SAMD12: variants seen among roughly 807,000 people sequenced by gnomAD.
SAMD12 encodes sterile alpha motif domain-containing protein 12.
Under a neutral mutation model 15.0 loss-of-function variants are expected in SAMD12, and 9 were observed. The ratio of observed to expected loss-of-function variants is 0.60; its 90% CI spans 0.36 to 1.05. The LOEUF (loss-of-function observed/expected upper bound fraction) is 1.05, where lower values mean the gene tolerates loss of function less well. Among genes scored for constraint, SAMD12 ranks in the 50% least tolerant of loss-of-function variants. The pLI, the probability that SAMD12 is intolerant of heterozygous loss-of-function variation, is 0.01. For synonymous variants in SAMD12, 86 were observed against 90.1 expected (o/e 0.96, Z 0.25); for missense variants, 230 against 234.2 (o/e 0.98, Z 0.12).
intron 4 of SAMD12, among the ~76,000 whole-genome samples, chr8:118,294,088 C>T (rs1814572394): frequency 6.6e-6 from 1 of 152,190 alleles, no homozygotes; most frequent in Admixed American, 6.5e-5. Context: ...GCTGTCATGT[C>T]AGACACCTAC....
chr8:118,546,430 A>T (rs894577300), intron 2 of SAMD12, among the ~76,000 whole-genome samples: 9 of 152,052 alleles, frequency 5.9e-5, no homozygotes, highest in African/African-American at 2.2e-4. Context: ...TCAGCTTCCA[A>T]GGTCGAGAAG....
intron 2 of SAMD12, among the ~76,000 whole-genome samples, chr8:118,494,166 G>A (rs1295546096): frequency 6.6e-6 from 1 of 152,110 alleles, no homozygotes; most frequent in Non-Finnish European, 1.5e-5. Flanking sequence ...GATGTGGAAG[G>A]GGCCGCAAGC....
chr8:118,486,843 C>T (rs1824303343), intron 2 of SAMD12, among the ~76,000 whole-genome samples: 1 of 152,144 alleles, frequency 6.6e-6, no homozygotes. Flanking sequence ...CATCTAGGCC[C>T]GAAGAGCAAG....
chr8:118,309,629 T>C (rs72675864), intron 4 of SAMD12, among the ~76,000 whole-genome samples: 18,324 of 152,214 alleles, frequency 0.12, 1,443 homozygotes, highest in Admixed American at 0.16. Flanking sequence ...TAAGTTCTTT[T>C]TTCAGACTTG....
intron 4 of SAMD12, among the ~76,000 whole-genome samples, chr8:118,295,286 A>G (rs1459596827): frequency 6.6e-6 from 1 of 152,222 alleles, no homozygotes; most frequent in Non-Finnish European, 1.5e-5. Context: ...ATCTCTGTAT[A>G]TACTTTTCTC....
chr8:118,366,952 G>T lies in SAMD12; in HGVS notation c.433+12608C>A, dbSNP rs192458103. On this transcript the variant is annotated intron_variant, in intron 4 of 4. Transcript: ENST00000409003. ...AATGAAAAGGGGGATACTAAGAATG[G>T]AAGTATTATTTCAGAGAAGGATAAG... 4.6e-4 allele frequency among the ~76,000 whole-genome samples: 69 copies of T among 149,944 alleles called. 1 individual carries two copies. The highest frequency in any genetic ancestry group is 1.7e-3 in the African/African-American group (68 of 40,922).
At chr8:118,298,030 T>C (rs977423780) in intron 4 of SAMD12, among the ~76,000 whole-genome samples, 10 of 152,022 alleles carry the variant, frequency 6.6e-5, no homozygotes, top group African/African-American at 2.4e-4. Context: ...GATGCTCCCA[T>C]TGGCCCTCAG....
the SAMD12 span, among the ~76,000 whole-genome samples, chr8:118,181,053 T>C: frequency 4.6e-4 from 69 of 148,658 alleles, no homozygotes; most frequent in African/African-American, 1.6e-3. Flanking sequence ...TTGTATTAAA[T>C]TTTTTTTTTT....
At chr8:118,149,477 A>T in the SAMD12 span, among the ~76,000 whole-genome samples, 1 of 152,104 alleles carries the variant, frequency 6.6e-6, no homozygotes, top group Non-Finnish European at 1.5e-5. Flanking sequence ...TTATTTTCTT[A>T]CAAATGAATT....
the SAMD12 span, among the ~76,000 whole-genome samples, chr8:118,172,206 T>C: frequency 6.6e-6 from 1 of 152,140 alleles, no homozygotes; most frequent in African/African-American, 2.4e-5. Flanking sequence ...TATACATATG[T>C]AACAAACCTG....
downstream of SAMD12, among the ~76,000 whole-genome samples, chr8:118,373,158 GA>G (rs753340006): frequency 2.0e-5 from 3 of 152,108 alleles, no homozygotes; most frequent in Non-Finnish European, 4.4e-5. Context: ...ATGCAATACA[GA>G]ATATACCTTA....
At chr8:118,566,916 G>A (rs530966908) in intron 2 of SAMD12, among the ~76,000 whole-genome samples, 19 of 152,260 alleles carry the variant, frequency 1.2e-4, no homozygotes, top group African/African-American at 4.6e-4. Context: ...AACAAAACTT[G>A]GTGGTGGATT....
chr8:118,155,161 T>C, the SAMD12 span, among the ~76,000 whole-genome samples: 86 of 152,336 alleles, frequency 5.6e-4, no homozygotes, highest in African/African-American at 2.0e-3. Context: ...TTTAGTATAT[T>C]ATATCTAATG....
At chr8:118,236,655 G>A (rs1364538957) in intron 4 of SAMD12, among the ~76,000 whole-genome samples, 1 of 152,206 alleles carries the variant, frequency 6.6e-6, no homozygotes, top group African/African-American at 2.4e-5. Context: ...TGCAACTTGT[G>A]CCTACAAAAG....
the SAMD12 span, among the ~76,000 whole-genome samples, chr8:118,150,297 G>A: frequency 6.6e-6 from 1 of 152,094 alleles, no homozygotes; most frequent in Non-Finnish European, 1.5e-5. Flanking sequence ...TCTTACTTCA[G>A]TATACTTATT....
chr8:118,202,790 T>C lies in SAMD12; in HGVS notation c.434-5058A>G, dbSNP rs548530785. ...AATGAGTTCAAGGCCTTTGGGGGTG[T>C]ATCTGAACTGCAACTTCAATGTGGG... is the stretch of plus-strand genomic sequence containing the variant. On this transcript the variant is annotated intron_variant, in intron 4 of 4. Transcript: ENST00000409003. Among the ~76,000 whole-genome samples, 123 of 152,302 alleles carry C rather than the reference T, an allele frequency of 8.1e-4. 1 individual carries two copies. Among genetic ancestry groups the C allele is most frequent in the Non-Finnish European group, 1.4e-3 (97 of 68,018 alleles).
At chr8:118,261,253 C>T (rs530612382) in intron 4 of SAMD12, among the ~76,000 whole-genome samples, 83 of 152,150 alleles carry the variant, frequency 5.5e-4, no homozygotes, top group Non-Finnish European at 9.6e-4. Flanking sequence ...TTACAGATAA[C>T]AGAACTAAGG....
At chr8:118,459,458 C>G (rs1823353363) in intron 2 of SAMD12, among the ~76,000 whole-genome samples, 1 of 152,174 alleles carries the variant, frequency 6.6e-6, no homozygotes, top group African/African-American at 2.4e-5. Context: ...AGTGGCACTT[C>G]TACATTTTCT....
chr8:118,225,248 CATTT>C (rs1242695102), intron 4 of SAMD12, among the ~76,000 whole-genome samples: 2 of 152,144 alleles, frequency 1.3e-5, no homozygotes, highest in African/African-American at 2.4e-5. Flanking sequence ...TTCATTCATT[CATTT>C]ATTCCCCTTA....
Sources: gnomAD v4.1 joint callset for allele counts (sites outside exome capture counted in the v4.1 genomes callset) on GRCh38, gnomAD v4.1.1 for gene constraint, MANE v1.5 for transcripts, NCBI Gene and HGNC (gene_info 2026-07-23, HGNC 2026-07-21) for gene names.